Variants in SHISA9 observed in about 807,000 individuals in gnomAD.
SHISA9 encodes protein shisa-9.
Under a neutral mutation model 38.0 loss-of-function variants are expected in SHISA9, and 13 were observed. That is an observed-to-expected ratio of 0.34 (90% CI 0.22 to 0.54). SHISA9 has a LOEUF of 0.54. SHISA9 is among the 20% of genes least tolerant of loss of function. The probability of loss-of-function intolerance (pLI) is 0.91; values close to 1 mark genes in which losing one functional copy is unlikely to be tolerated. For missense variants in SHISA9, 538 were observed against 575.8 expected (o/e 0.93, Z 0.67); for synonymous variants, 275 against 242.0 (o/e 1.14, Z -1.27).
the SHISA9 span, among the ~76,000 whole-genome samples, chr16:13,526,083 C>T: frequency 6.6e-6 from 1 of 152,216 alleles, no homozygotes; most frequent in Non-Finnish European, 1.5e-5. Flanking sequence ...TCCTAATACA[C>T]TTTGATACCA....
chr16:13,084,760 ACCATAG>A (rs1241016790), intron 2 of SHISA9, among the ~76,000 whole-genome samples: 1 of 150,080 alleles, frequency 6.7e-6, no homozygotes, highest in Non-Finnish European at 1.5e-5. Context: ...TAGACCATAG[ACCATAG>A]ACAGACTGGC....
At chr16:13,080,115 T>C (rs1596634076) in intron 2 of SHISA9, among the ~76,000 whole-genome samples, 1 of 152,300 alleles carries the variant, frequency 6.6e-6, no homozygotes, top group Non-Finnish European at 1.5e-5. Flanking sequence ...GGCTCACGCC[T>C]GTAATCCCAG....
intron 2 of SHISA9, among the ~76,000 whole-genome samples, chr16:13,019,886 T>TTC (rs2072818313): frequency 8.5e-5 from 1 of 11,750 alleles, no homozygotes; most frequent in Non-Finnish European, 1.8e-4. Flanking sequence ...CTCCCTCCCT[T>TTC]CTTTCTTTCT....
At chr16:12,966,344 C>T (rs1422261636) in intron 2 of SHISA9, among the ~76,000 whole-genome samples, 2 of 62,756 alleles carry the variant, frequency 3.2e-5, no homozygotes, top group South Asian at 3.8e-4. Flanking sequence ...AGTTTCCTCC[C>T]TTCTCAAATC....
the SHISA9 span, among the ~76,000 whole-genome samples, chr16:13,370,572 T>C: frequency 6.6e-6 from 1 of 152,328 alleles, no homozygotes; most frequent in East Asian, 1.9e-4. Context: ...CACAAAACAG[T>C]TTATAATTAT....
chr16:13,459,670 A>G, the SHISA9 span, among the ~76,000 whole-genome samples: 1 of 152,084 alleles, frequency 6.6e-6, no homozygotes, highest in African/African-American at 2.4e-5. Flanking sequence ...ATTTCTGTTC[A>G]CCTTTTCCAG....
At chr16:12,948,541 TG>T (rs1337796461) in intron 2 of SHISA9, among the ~76,000 whole-genome samples, 1 of 152,234 alleles carries the variant, frequency 6.6e-6, no homozygotes, top group East Asian at 1.9e-4. Context: ...GTTTGGAGAC[TG>T]GGAAGTCCAA....
the SHISA9 span, among the ~76,000 whole-genome samples, chr16:13,286,475 A>G: frequency 1.4e-4 from 21 of 152,332 alleles, no homozygotes; most frequent in African/African-American, 4.8e-4. Flanking sequence ...AATTACAGTC[A>G]AGAGCCCGCA....
At chr16:13,061,593 G>A (rs2073376642) in intron 2 of SHISA9, among the ~76,000 whole-genome samples, 1 of 152,154 alleles carries the variant, frequency 6.6e-6, no homozygotes, top group African/African-American at 2.4e-5. Context: ...CATATGTATT[G>A]AGGACCTAGT....
intron 2 of SHISA9, among the ~76,000 whole-genome samples, chr16:13,019,952 T>C (rs1437051669): frequency 0.05 from 2,903 of 58,450 alleles, 295 homozygotes; most frequent in Non-Finnish European, 0.077. Flanking sequence ...TCTTTCTTTC[T>C]TTCTTTCCCT....
At chr16:13,544,633 G>T in the SHISA9 span, among the ~76,000 whole-genome samples, 4 of 151,966 alleles carry the variant, frequency 2.6e-5, no homozygotes, top group Non-Finnish European at 5.9e-5. Context: ...TTAGGTGTGA[G>T]TTTGGAGCCT....
At chr16:13,225,580 C>T (rs77784125) in intron 4 of SHISA9, among the ~76,000 whole-genome samples, 2,569 of 152,236 alleles carry the variant, frequency 0.017, 58 homozygotes, top group African/African-American at 0.057. Context: ...GCATTGCTTA[C>T]CAGGTGAAAT....
chr16:13,013,832 A>T (rs987340289), intron 2 of SHISA9, among the ~76,000 whole-genome samples: 1 of 151,874 alleles, frequency 6.6e-6, no homozygotes, highest in African/African-American at 2.4e-5. Context: ...GGTTCACGCC[A>T]TTCTCCTGCC....
At chr16:13,403,442 A>G in the SHISA9 span, among the ~76,000 whole-genome samples, 3 of 152,222 alleles carry the variant, frequency 2.0e-5, no homozygotes, top group Non-Finnish European at 4.4e-5. Context: ...TGATTGGATG[A>G]ATGAGTGACT....
intron 2 of SHISA9, among the ~76,000 whole-genome samples, chr16:13,182,785 T>C (rs1418839660): frequency 1.3e-5 from 2 of 151,958 alleles, no homozygotes; most frequent in Admixed American, 6.6e-5. Flanking sequence ...ATGACCATCT[T>C]TGGAAACTTA....
chr16:13,440,946 T>G, the SHISA9 span, among the ~76,000 whole-genome samples: 864 of 151,710 alleles, frequency 5.7e-3, 7 homozygotes, highest in Non-Finnish European at 0.01. Context: ...AAAAAGTCAT[T>G]GATATATTCC....
chr16:13,389,329 C>G, the SHISA9 span, among the ~76,000 whole-genome samples: 9 of 152,056 alleles, frequency 5.9e-5, no homozygotes, highest in Non-Finnish European at 1.3e-4. Flanking sequence ...AGAGTGTAGC[C>G]TTTTCAGATT....
At chr16:13,493,371 A>G in the SHISA9 span, among the ~76,000 whole-genome samples, 1 of 152,208 alleles carries the variant, frequency 6.6e-6, no homozygotes, top group African/African-American at 2.4e-5. Flanking sequence ...AAACCACACC[A>G]AGATGCAGGA....
At chr16:13,058,436 T>C (rs2073335270) in intron 2 of SHISA9, among the ~76,000 whole-genome samples, 1 of 152,196 alleles carries the variant, frequency 6.6e-6, no homozygotes, top group South Asian at 2.1e-4. Context: ...GCTACGGCCA[T>C]CCCTGAGCCA....
Sources: gnomAD v4.1 joint callset for allele counts (sites outside exome capture counted in the v4.1 genomes callset) on GRCh38, gnomAD v4.1.1 for gene constraint, MANE v1.5 for transcripts, NCBI Gene and HGNC (gene_info 2026-07-23, HGNC 2026-07-21) for gene names.